The following ADAMTS3 variants were observed in gnomAD, a reference collection of about 807,000 sequenced individuals.
ADAMTS3 encodes the protein A disintegrin and metalloproteinase with thrombospondin motifs 3.
A neutral mutation model predicts 129.0 loss-of-function variants in ADAMTS3; 73 were observed. The observed-to-expected ratio is 0.57, with a 90% CI of 0.47 to 0.69. ADAMTS3 has a LOEUF of 0.69. Among genes scored for constraint, ADAMTS3 ranks in the 30% least tolerant of loss-of-function variants. ADAMTS3 has a pLI of 0.00. For missense variants in ADAMTS3, 1,457 were observed against 1,514.5 expected, an observed-to-expected ratio of 0.96 and a Z score of 0.63; for synonymous variants, 477 against 510.8, an observed-to-expected ratio of 0.93 and a Z score of 0.89.
intron 2 of ADAMTS3, 73 bp downstream of exon 2, chr4:72,567,301 A>G: frequency 1.4e-6 from 2 of 1,433,530 alleles, no homozygotes; most frequent in Middle Eastern, 1.8e-4. Flanking sequence ...TTCAGAAACA[A>G]TATTTTGCTT....
intron 5 of ADAMTS3, among the ~76,000 whole-genome samples, chr4:72,334,679 A>G (rs183716687): frequency 1.5e-4 from 23 of 152,300 alleles, no homozygotes; most frequent in African/African-American, 5.5e-4. Flanking sequence ...TATTTATAGT[A>G]TGAGACATGC....
chr4:72,408,796 A>G (rs1455494774), intron 4 of ADAMTS3, among the ~76,000 whole-genome samples: 1 of 152,048 alleles, frequency 6.6e-6, no homozygotes, highest in Non-Finnish European at 1.5e-5. Context: ...TTGCAGGGAT[A>G]TGGATGAAGC....
At chr4:72,486,810 C>A (rs1560534902) in intron 3 of ADAMTS3, among the ~76,000 whole-genome samples, 1 of 152,138 alleles carries the variant, frequency 6.6e-6, no homozygotes, top group Admixed American at 6.6e-5. Context: ...CAGAATACTG[C>A]ACCTTCATTC....
intron 4 of ADAMTS3, among the ~76,000 whole-genome samples, chr4:72,363,733 AC>A (rs1403694037): frequency 1.3e-5 from 2 of 152,026 alleles, no homozygotes; most frequent in South Asian, 4.1e-4. Context: ...CTCATACCAA[AC>A]GTTATAAAAA....
At chr4:72,511,448 G>A (rs1254331959) in intron 3 of ADAMTS3, among the ~76,000 whole-genome samples, 2 of 152,104 alleles carry the variant, frequency 1.3e-5, no homozygotes, top group African/African-American at 4.8e-5. Context: ...TCCAAAATTA[G>A]GGAAAAGATT....
rs188996593 is a variant in ADAMTS3 at position 72,478,097 on chromosome 4, A to G, written c.505-63126T>C. On this transcript the variant is annotated intron_variant, in intron 3 of 21. Coordinates refer to ENST00000286657, the MANE Select transcript of ADAMTS3 (RefSeq NM_014243.3). ...TCCAGGACCAGATGGTTTCACAGCCAAATTCTACCAGAGGTACAAGGAGGA... is the reference window on the plus strand; with the variant it reads ...TCCAGGACCAGATGGTTTCACAGCCGAATTCTACCAGAGGTACAAGGAGGA... Among the ~76,000 whole-genome samples the G allele has an allele frequency of 6.1e-3, 925 of 152,278 alleles. 17 individuals are homozygous for G. The highest frequency in any genetic ancestry group is 0.021 in the African/African-American group (881 of 41,554).
At chr4:72,331,151 A>G (rs1204217785) in intron 5 of ADAMTS3, among the ~76,000 whole-genome samples, 1 of 152,168 alleles carries the variant, frequency 6.6e-6, no homozygotes, top group Non-Finnish European at 1.5e-5. Context: ...TACTGTGTGG[A>G]TGTTGTGTTA....
intron 2 of ADAMTS3, among the ~76,000 whole-genome samples, chr4:72,556,598 A>G (rs938295202): frequency 6.6e-6 from 1 of 151,780 alleles, no homozygotes; most frequent in Non-Finnish European, 1.5e-5. Context: ...CAAGCAAGGA[A>G]GAGATTTGGG....
chr4:72,405,346 A>C (rs541174756), intron 4 of ADAMTS3, among the ~76,000 whole-genome samples: 2 of 152,270 alleles, frequency 1.3e-5, no homozygotes, highest in East Asian at 3.9e-4. Flanking sequence ...TATACATGGA[A>C]TATTATCCTT....
chr4:72,431,902 G>T (rs1021106861), intron 3 of ADAMTS3, among the ~76,000 whole-genome samples: 3 of 151,922 alleles, frequency 2.0e-5, no homozygotes, highest in Non-Finnish European at 2.9e-5. Context: ...TAGTTGTAGC[G>T]TAGTAATTTT....
At chr4:72,520,289 G>C (rs188169627) in intron 3 of ADAMTS3, among the ~76,000 whole-genome samples, 160 of 152,316 alleles carry the variant, frequency 1.1e-3, no homozygotes, top group African/African-American at 3.8e-3. Flanking sequence ...GGGGTCAGGG[G>C]TCAGGGACCC....
At chr4:72,506,197 G>A (rs1720155514) in intron 3 of ADAMTS3, among the ~76,000 whole-genome samples, 1 of 152,150 alleles carries the variant, frequency 6.6e-6, no homozygotes. Flanking sequence ...AAGTGGGGTG[G>A]CTTAGGCTGC....
At chr4:72,537,853 TG>T (rs1395814477) in intron 3 of ADAMTS3, among the ~76,000 whole-genome samples, 2 of 152,198 alleles carry the variant, frequency 1.3e-5, no homozygotes, top group Non-Finnish European at 2.9e-5. Context: ...TTAAAACAAG[TG>T]TCTTAAAGAT....
intron 5 of ADAMTS3, chr4:72,330,533 T>A (rs1368762728): frequency 6.6e-6 from 1 of 152,154 alleles, no homozygotes; most frequent in African/African-American, 2.4e-5. Flanking sequence ...AGTATTAGAG[T>A]CATTCTACTA....
chr4:72,520,010 GT>G (rs1436967974), intron 3 of ADAMTS3, among the ~76,000 whole-genome samples: 4 of 151,830 alleles, frequency 2.6e-5, no homozygotes, highest in Non-Finnish European at 5.9e-5. Flanking sequence ...GTACAGATGG[GT>G]TTTTGGTGTG....
intron 17 of ADAMTS3, among the ~76,000 whole-genome samples, chr4:72,302,303 TAA>T (rs11304337): frequency 0.012 from 1,759 of 144,428 alleles, 40 homozygotes; most frequent in African/African-American, 0.037. Context: ...AAAATGGAAA[TAA>T]AAAAAAAAAA....
chr4:72,463,723 G>A (rs889588650), intron 3 of ADAMTS3, among the ~76,000 whole-genome samples: 50 of 143,950 alleles, frequency 3.5e-4, no homozygotes, highest in African/African-American at 1.2e-3. Context: ...AAAAGCATTT[G>A]GTAACATACT....
intron 4 of ADAMTS3, among the ~76,000 whole-genome samples, chr4:72,393,597 C>A (rs1481458580): frequency 6.6e-6 from 1 of 152,122 alleles, no homozygotes; most frequent in African/African-American, 2.4e-5. Flanking sequence ...AGAGCTAAAT[C>A]TTGTTACCTT....
At chr4:72,526,016 G>T (rs1231159541) in intron 3 of ADAMTS3, among the ~76,000 whole-genome samples, 1 of 152,152 alleles carries the variant, frequency 6.6e-6, no homozygotes. Context: ...AAAAGTCTGG[G>T]ATTAGCCAGC....
Sources: allele counts gnomAD v4.1 joint callset (sites outside exome capture counted in the v4.1 genomes callset), GRCh38; gene constraint gnomAD v4.1.1; transcripts MANE v1.5; gene names NCBI Gene and HGNC (gene_info 2026-07-23, HGNC 2026-07-21).